The following NDST4 variants were observed in gnomAD, a reference collection of about 807,000 sequenced individuals.
NDST4 encodes N-deacetylase and N-sulfotransferase 4.
NDST4 carries 63 observed loss-of-function variants against 100.8 expected under a neutral mutation model. The observed-to-expected ratio is 0.62, with a 90% CI of 0.51 to 0.77. The LOEUF (loss-of-function observed/expected upper bound fraction) is 0.77. Ranked by LOEUF, NDST4 falls within the 30% of genes least tolerant of loss-of-function variation. The pLI is 0.00. For missense variants in NDST4, 943 were observed against 1,018.4 expected (o/e 0.93, Z 1.01); for synonymous variants, 377 against 361.8 (o/e 1.04, Z -0.48).
chr4:115,110,456 G>A (rs745708334), intron 1 of NDST4, among the ~76,000 whole-genome samples: 48 of 151,968 alleles, frequency 3.2e-4, no homozygotes, highest in Non-Finnish European at 5.6e-4. Flanking sequence ...CTGGGGGTAC[G>A]TAATGAGAGT....
At chr4:115,024,206 C>T (rs565887253) in intron 2 of NDST4, among the ~76,000 whole-genome samples, 1 of 152,246 alleles carries the variant, frequency 6.6e-6, no homozygotes, top group South Asian at 2.1e-4. Context: ...CTAGAGAATC[C>T]TCACTTGAGC....
chr4:114,905,158 A>G (rs1009693289), intron 6 of NDST4, among the ~76,000 whole-genome samples: 6 of 151,358 alleles, frequency 4.0e-5, no homozygotes, highest in African/African-American at 1.5e-4. Flanking sequence ...TCTGCAACAA[A>G]TCAGTGTGTG....
At chr4:115,034,159 G>T (rs1476145436) in intron 2 of NDST4, among the ~76,000 whole-genome samples, 3 of 152,036 alleles carry the variant, frequency 2.0e-5, no homozygotes, top group Non-Finnish European at 4.4e-5. Context: ...GTAGTAGCAG[G>T]TTCACATTTC....
At chr4:114,953,265 C>T (rs548789002) in intron 4 of NDST4, among the ~76,000 whole-genome samples, 24 of 152,038 alleles carry the variant, frequency 1.6e-4, no homozygotes, top group Admixed American at 9.2e-4. Flanking sequence ...CATTTGATTT[C>T]GAAACTGAGA....
chr4:115,101,275 G>T (rs898179463), intron 1 of NDST4, among the ~76,000 whole-genome samples: 29 of 152,092 alleles, frequency 1.9e-4, no homozygotes, highest in Non-Finnish European at 3.2e-4. Context: ...AGAAGTGTGA[G>T]GAGAAAATGA....
At chr4:115,021,136 A>T (rs1195745672) in intron 2 of NDST4, among the ~76,000 whole-genome samples, 1 of 152,036 alleles carries the variant, frequency 6.6e-6, no homozygotes, top group Non-Finnish European at 1.5e-5. Flanking sequence ...CACAATTCGC[A>T]GTTGCAAATG....
intron 2 of NDST4, among the ~76,000 whole-genome samples, chr4:114,982,175 A>T (rs916583071): frequency 6.6e-6 from 1 of 152,214 alleles, no homozygotes; most frequent in Non-Finnish European, 1.5e-5. Flanking sequence ...GACACCTGAA[A>T]ATGTGGAAGC....
intron 6 of NDST4, among the ~76,000 whole-genome samples, chr4:114,894,739 T>C (rs928483581): frequency 6.6e-6 from 1 of 152,166 alleles, no homozygotes; most frequent in Non-Finnish European, 1.5e-5. Flanking sequence ...TATGTCTTCC[T>C]CTTGCCTGAT....
chr4:114,889,693 T>A (rs1724552873), intron 6 of NDST4, among the ~76,000 whole-genome samples: 2 of 152,184 alleles, frequency 1.3e-5, no homozygotes, highest in African/African-American at 2.4e-5. Flanking sequence ...TGTCTTCAAA[T>A]AAAGCAGCTG....
At chr4:114,987,142 A>G (rs1726932555) in intron 2 of NDST4, among the ~76,000 whole-genome samples, 1 of 152,076 alleles carries the variant, frequency 6.6e-6, no homozygotes, top group African/African-American at 2.4e-5. Flanking sequence ...GGCTTTAGGA[A>G]TAATATGAAA....
intron 6 of NDST4, among the ~76,000 whole-genome samples, chr4:114,914,656 A>G (rs1036496725): frequency 3.3e-5 from 5 of 152,112 alleles, no homozygotes; most frequent in African/African-American, 1.2e-4. Flanking sequence ...TTTTTTTCAG[A>G]ATCAGTTCTG....
At chr4:114,887,564 A>G (rs577011553) in intron 6 of NDST4, among the ~76,000 whole-genome samples, 22 of 152,198 alleles carry the variant, frequency 1.4e-4, no homozygotes, top group Middle Eastern at 3.4e-3. Context: ...ACTTATAAGC[A>G]TTGATGTCTG....
intron 6 of NDST4, among the ~76,000 whole-genome samples, chr4:114,924,457 A>G (rs1725349140): frequency 7.0e-6 from 1 of 143,276 alleles, no homozygotes; most frequent in Non-Finnish European, 1.5e-5. Context: ...AAGATAAAGG[A>G]AAAAAAAAAA....
chr4:115,052,788 A>C, intron 2 of NDST4, among the ~76,000 whole-genome samples: 1 of 152,086 alleles, frequency 6.6e-6, no homozygotes, highest in Non-Finnish European at 1.5e-5. Flanking sequence ...TCATTCAACA[A>C]ATATTCAGTT....
In NDST4 at chr4:114,975,975, T is replaced by A. The variant is rs1726624974; in HGVS notation, c.1066+1212A>T. ...AATCTCTTTCTGCAAAACATCCTTT[T>A]AAAATATGAAATCATTTGATTTATC... On this transcript the variant is annotated intron_variant, in intron 3 of 13. Coordinates refer to ENST00000264363, the MANE Select transcript of NDST4 (RefSeq NM_022569.3). 1.3e-5 allele frequency among the ~76,000 whole-genome samples: 2 copies of A among 152,222 alleles called. 1 individual carries two copies. The highest frequency in any genetic ancestry group is 4.1e-4 in the South Asian group (2 of 4,832).
At chr4:114,910,431 A>C (rs1311947139) in intron 6 of NDST4, among the ~76,000 whole-genome samples, 1 of 152,086 alleles carries the variant, frequency 6.6e-6, no homozygotes, top group Admixed American at 6.5e-5. Flanking sequence ...GCCTGTGTGT[A>C]TGTGTGTCTG....
intron 4 of NDST4, among the ~76,000 whole-genome samples, chr4:114,961,517 T>C (rs1314327347): frequency 6.6e-6 from 1 of 151,998 alleles, no homozygotes; most frequent in African/African-American, 2.4e-5. Flanking sequence ...GACAACACTA[T>C]TGACCTTATA....
At chr4:114,986,387 G>A (rs1726901802) in intron 2 of NDST4, among the ~76,000 whole-genome samples, 1 of 152,026 alleles carries the variant, frequency 6.6e-6, no homozygotes, top group African/African-American at 2.4e-5. Context: ...AGGGTGTCCT[G>A]GTCATCTCCT....
chr4:114,939,277 A>T (rs1725697856), intron 4 of NDST4, among the ~76,000 whole-genome samples: 1 of 152,004 alleles, frequency 6.6e-6, no homozygotes, highest in Non-Finnish European at 1.5e-5. Flanking sequence ...GCGTGTCCAG[A>T]CTCCTCTGTC....
Sources: gnomAD v4.1 joint callset for allele counts (sites outside exome capture counted in the v4.1 genomes callset) on GRCh38, gnomAD v4.1.1 for gene constraint, MANE v1.5 for transcripts, NCBI Gene and HGNC (gene_info 2026-07-23, HGNC 2026-07-21) for gene names.